The following ZMAT5 variants were observed in gnomAD, a reference collection of about 807,000 sequenced individuals.
ZMAT5 encodes zinc finger matrin-type 5, also known as zinc finger matrin-type protein 5.
ZMAT5 carries 23 observed loss-of-function variants against 28.0 expected under a neutral mutation model. The ratio of observed to expected loss-of-function variants is 0.82; its 90% confidence interval spans 0.59 to 1.16. ZMAT5 has a LOEUF of 1.16. Among genes scored for constraint, ZMAT5 ranks in the 50% most tolerant of loss-of-function variants. ZMAT5 has a pLI of 0.00. For missense variants in ZMAT5, 173 were observed against 212.7 expected, an observed-to-expected ratio of 0.81 and a Z score of 1.16; for synonymous variants, 76 against 84.1, an observed-to-expected ratio of 0.90 and a Z score of 0.52.
chr22:29,735,145 T>C (rs1480443509), intron 5 of ZMAT5, among the ~76,000 whole-genome samples: 2 of 152,070 alleles, frequency 1.3e-5, no homozygotes, highest in East Asian at 3.9e-4. Context: ...GGGGAGGGGC[T>C]CAAAGCCCAG....
intron 1 of ZMAT5, among the ~76,000 whole-genome samples, chr22:29,759,608 A>T (rs549374159): frequency 7.3e-5 from 11 of 150,720 alleles, no homozygotes; most frequent in South Asian, 4.2e-4. Context: ...CTAAAAAAAA[A>T]TTTTTTTTTT....
intron 2 of ZMAT5, among the ~76,000 whole-genome samples, chr22:29,742,781 G>C (rs1227513440): frequency 6.6e-6 from 1 of 152,044 alleles, no homozygotes; most frequent in Non-Finnish European, 1.5e-5. Context: ...GGAGAGTCTG[G>C]GGACTTTGGG....
chr22:29,749,475 C>T lies in ZMAT5; in HGVS notation c.-27-904G>A, dbSNP rs546641595. On this transcript the variant is annotated intron_variant, in intron 1 of 5. Coordinates refer to ENST00000344318, the MANE Select transcript of ZMAT5 (RefSeq NM_001003692.2). ...ACATGGCCACCTCCCGGCCTTTGCA[C>T]CCAAGGCTCCCCAGGGAGGGGTATG... 5.9e-5 allele frequency among the ~76,000 whole-genome samples: 9 copies of T among 152,220 alleles called. No individual in the cohort carries two copies. The South Asian group carries it at 1.0e-3, about 18-fold the overall frequency.
At chr22:29,764,868 C>G (rs116315292) in intron 1 of ZMAT5, among the ~76,000 whole-genome samples, 10,343 of 152,178 alleles carry the variant, frequency 0.068, 438 homozygotes, top group Non-Finnish European at 0.088. Flanking sequence ...CTCTTGGCCT[C>G]AAGTGTTCCT....
At chr22:29,741,461 AC>A (rs2067962174) in intron 3 of ZMAT5, among the ~76,000 whole-genome samples, 1 of 152,056 alleles carries the variant, frequency 6.6e-6, no homozygotes, top group African/African-American at 2.4e-5. Flanking sequence ...TCCCTTACAA[AC>A]CATGTGAATC....
intron 2 of ZMAT5, 97 bp from the exon 3 acceptor site, chr22:29,742,577 A>G: frequency 8.9e-7 from 1 of 1,123,650 alleles, no homozygotes; most frequent in South Asian, 1.3e-5. Flanking sequence ...CTTTATCTCG[A>G]CACAGCTGTG....
intron 5 of ZMAT5, chr22:29,731,665 G>T (rs766992972): frequency 8.5e-5 from 27 of 316,418 alleles, no homozygotes; most frequent in Non-Finnish European, 1.4e-4. Context: ...ATGCCATGCG[G>T]CCTGTGTAAG....
intron 1 of ZMAT5, among the ~76,000 whole-genome samples, chr22:29,757,253 A>C (rs740528): frequency 0.1 from 15,074 of 150,748 alleles, 951 homozygotes; most frequent in African/African-American, 0.16. Context: ...AAAAAAAAAA[A>C]AAAACAGAAA....
At chr22:29,735,699 T>G (rs1439212932) in intron 5 of ZMAT5, among the ~76,000 whole-genome samples, 1 of 151,954 alleles carries the variant, frequency 6.6e-6, no homozygotes, top group Non-Finnish European at 1.5e-5. Flanking sequence ...AAAATGGGGG[T>G]GCCAATCTCC....
chr22:29,731,275 C>G lies in ZMAT5; in HGVS notation c.463G>C (p.Ala155Pro). Reference protein sequence around the residue: ...PVQELPPSLRAPPPGGWPLQP... With the variant: ...PVQELPPSLRPPPPGGWPLQP... ...AGAGGCCACCCCCCAGGTGGGGGTGCCCGCAGGGATGGAGGCAGCTCCTGA... is the reference window on the plus strand; with the variant it reads ...AGAGGCCACCCCCCAGGTGGGGGTGGCCGCAGGGATGGAGGCAGCTCCTGA... Residue 155 changes from alanine (A) to proline (P), a missense_variant, in exon 6 of 6, where the codon GCA becomes CCA. Coordinates refer to ENST00000344318, the MANE Select transcript of ZMAT5 (RefSeq NM_001003692.2). 6.6e-7 allele frequency: 1 copy of G among 1,519,788 alleles called. No individual in the cohort carries two copies. Among genetic ancestry groups the G allele is most frequent in the Non-Finnish European group, 8.7e-7 (1 of 1,147,102 alleles). The allele number at this position is 1,519,788 out of a possible 1,614,324, so 94.1% of individuals were successfully genotyped here.
At chr22:29,766,738 C>T (rs1191601591) in intron 1 of ZMAT5, 134 bp downstream of exon 1, 2 of 152,500 alleles carry the variant, frequency 1.3e-5, no homozygotes, top group East Asian at 3.8e-4. Context: ...GCTCCAGCTC[C>T]TGGCCTAGAC....
intron 5 of ZMAT5, 125 bp downstream of exon 5, chr22:29,738,205 A>T: frequency 3.4e-6 from 3 of 871,620 alleles, no homozygotes; most frequent in Non-Finnish European, 5.3e-6. Context: ...AGCTATGTGT[A>T]GGCAACTTTA....
intron 1 of ZMAT5, among the ~76,000 whole-genome samples, chr22:29,760,072 G>A (rs1030196795): frequency 1.3e-5 from 2 of 152,172 alleles, no homozygotes; most frequent in South Asian, 2.1e-4. Flanking sequence ...ATGGCGGCAC[G>A]AGCCTGTAGT....
intron 1 of ZMAT5, among the ~76,000 whole-genome samples, chr22:29,753,638 G>A (rs1055006028): frequency 4.6e-5 from 7 of 152,138 alleles, no homozygotes; most frequent in East Asian, 1.9e-4. Context: ...GCAGTGAGCC[G>A]AGATCGAACC....
chr22:29,748,417 C>T lies in ZMAT5; in HGVS notation c.127+1G>A, dbSNP rs2147227384. On this transcript the variant is annotated splice_donor_variant, in intron 2 of 5. Coordinates refer to ENST00000344318, the MANE Select transcript of ZMAT5 (RefSeq NM_001003692.2). LOFTEE classifies it high-confidence loss of function. ...CCTGGCCCCCAGCCAGCGGCACCCACCTCGGAACATGTCGTACCAGACCTT... is the reference window on the plus strand; with the variant it reads ...CCTGGCCCCCAGCCAGCGGCACCCATCTCGGAACATGTCGTACCAGACCTT... 1.2e-6 allele frequency: 2 copies of T among 1,614,236 alleles called. No individual in the cohort carries two copies. Among genetic ancestry groups the T allele is most frequent in the Non-Finnish European group, 1.7e-6 (2 of 1,180,024 alleles).
At chr22:29,734,822 TCCCCCG>T (rs1374065800) in intron 5 of ZMAT5, among the ~76,000 whole-genome samples, 1 of 106,252 alleles carries the variant, frequency 9.4e-6, no homozygotes, top group Non-Finnish European at 2.1e-5. Flanking sequence ...TCAGGGAGGG[TCCCCCG>T]CCCCAGCCCC....
At chr22:29,745,810 C>T (rs965969475) in intron 2 of ZMAT5, among the ~76,000 whole-genome samples, 7 of 152,234 alleles carry the variant, frequency 4.6e-5, no homozygotes, top group South Asian at 2.1e-4. Context: ...AAGCTGAAGT[C>T]GAGTTCATTC....
chr22:29,738,929 T>C (rs1348585030), intron 4 of ZMAT5, among the ~76,000 whole-genome samples: 1 of 151,806 alleles, frequency 6.6e-6, no homozygotes, highest in African/African-American at 2.4e-5. Context: ...GAGAATCGCT[T>C]GAACCTAGGA....
chr22:29,750,469 C>T (rs954289586), intron 1 of ZMAT5, among the ~76,000 whole-genome samples: 1 of 152,206 alleles, frequency 6.6e-6, no homozygotes, highest in African/African-American at 2.4e-5. Flanking sequence ...TGACCACAGC[C>T]ACCACTCCTG....
Sources: gnomAD v4.1 joint callset for allele counts (sites outside exome capture counted in the v4.1 genomes callset) on GRCh38, gnomAD v4.1.1 for gene constraint, MANE v1.5 for transcripts, NCBI Gene and HGNC (gene_info 2026-07-23, HGNC 2026-07-21) for gene names.